The following BUB1 variants were observed in gnomAD, a reference collection of about 807,000 sequenced individuals.
The protein encoded by BUB1 is BUB1 mitotic checkpoint serine/threonine kinase.
In BUB1, 84 loss-of-function variants were observed where a neutral mutation model predicts 135.2. The observed-to-expected ratio is 0.62, with a 90% CI of 0.52 to 0.74. The LOEUF (loss-of-function observed/expected upper bound fraction) is 0.74, where lower values mean the gene tolerates loss of function less well. BUB1 is among the 30% of genes least tolerant of loss of function. The pLI is 0.00. For synonymous variants in BUB1, 403 were observed against 434.4 expected, an observed-to-expected ratio of 0.93 and a Z score of 0.90; for missense variants, 1,162 against 1,288.3, an observed-to-expected ratio of 0.90 and a Z score of 1.50.
At chr2:110,638,393 T>C (rs1689417572) in intron 24 of BUB1, among the ~76,000 whole-genome samples, 1 of 152,234 alleles carries the variant, frequency 6.6e-6, no homozygotes. Context: ...AGTAATCTTT[T>C]AGCAATACTG....
At chr2:110,668,566 A>T (rs1208934682) in intron 6 of BUB1, among the ~76,000 whole-genome samples, 1 of 152,252 alleles carries the variant, frequency 6.6e-6, no homozygotes, top group Non-Finnish European at 1.5e-5. Context: ...TCCTTGATGA[A>T]CTTTGAAAGA....
chr2:110,637,948 T>C lies in BUB1; in HGVS notation c.*16A>G, dbSNP rs1362124253. ...TATTTACAGTGTGATTTTTAAGGAC[T>C]GTCTATATCCAAATTTTATTTTCGT... On this transcript the variant is annotated 3_prime_UTR_variant, in exon 25 of 25. Transcript: ENST00000302759. 1 of 1,392,618 alleles carries C rather than the reference T, an allele frequency of 7.2e-7. No individual in the cohort carries two copies. The highest frequency in any genetic ancestry group is 9.4e-7 in the Non-Finnish European group (1 of 1,061,922). The allele number at this position is 1,392,618 out of a possible 1,614,324, so 86.3% of individuals were successfully genotyped here. A position where few individuals can be genotyped will look rare whatever the true frequency, so the allele number is the denominator to read the frequency against.
chr2:110,649,765 T>C (rs1689732969), intron 18 of BUB1, among the ~76,000 whole-genome samples: 1 of 152,210 alleles, frequency 6.6e-6, no homozygotes, highest in Admixed American at 6.5e-5. Context: ...TTTAATTTCT[T>C]TTCCACTTAT....
At chr2:110,656,669 A>G (rs1343336612) in intron 15 of BUB1, among the ~76,000 whole-genome samples, 1 of 152,158 alleles carries the variant, frequency 6.6e-6, no homozygotes, top group Non-Finnish European at 1.5e-5. Context: ...ATGTTTCCCT[A>G]CTGTAATCTA....
At chr2:110,670,604 T>C in intron 4 of BUB1, 36 bp from the exon 5 acceptor site, 1 of 1,605,306 alleles carries the variant, frequency 6.2e-7, no homozygotes, top group Non-Finnish European at 8.5e-7. Context: ...ATGTAGATTA[T>C]AAACTTACAG....
chr2:110,649,092 A>T, intron 19 of BUB1, 142 bp downstream of exon 19: 1 of 653,182 alleles, frequency 1.5e-6, no homozygotes, highest in Non-Finnish European at 2.4e-6. Flanking sequence ...CAAAATGATC[A>T]GTTTAGTATT....
In BUB1 at chr2:110,672,719, G is replaced by A. The variant is rs1366821516; in HGVS notation, c.364C>T (p.Leu122Phe). The A allele has an allele frequency of 3.1e-6, 5 of 1,613,660 alleles. No homozygotes were observed. The highest frequency in any genetic ancestry group is 4.2e-6 in the Non-Finnish European group (5 of 1,179,856). ...QGELQHASAV[L>F]QRGIQNQAEP... ...GCCTGGTTTTGAATTCCTCTCTGAA[G>A]GACAGCACTGGCATGCTGCAGCTCT... is the stretch of plus-strand genomic sequence containing the variant. The change falls in exon 4 of 25, where the codon CTT becomes TTT. Residue 122 changes from leucine (L) to phenylalanine (F), a missense_variant. Physicochemically the swap from Leu to Phe is conservative, Grantham distance 22. Transcript: ENST00000302759.
At chr2:110,663,785 T>C (rs1690163651) in intron 9 of BUB1, among the ~76,000 whole-genome samples, 1 of 152,116 alleles carries the variant, frequency 6.6e-6, no homozygotes, top group African/African-American at 2.4e-5. Context: ...TCCCAACACT[T>C]TGGGGGGCCA....
chr2:110,676,759 G>A (rs1044375574), intron 1 of BUB1: 2 of 151,990 alleles, frequency 1.3e-5, no homozygotes, highest in African/African-American at 2.4e-5. Context: ...CAAACGTGCA[G>A]ACATTTAATA....
intron 6 of BUB1, among the ~76,000 whole-genome samples, chr2:110,668,947 A>C (rs1390262986): frequency 6.6e-6 from 1 of 152,206 alleles, no homozygotes; most frequent in Non-Finnish European, 1.5e-5. Flanking sequence ...TGAACCTGGA[A>C]ACATAAGAGA....
rs1689413052 is a variant in BUB1 at position 110,638,170 on chromosome 2, C to CA, written c.3063-12dup. On this transcript the variant is annotated splice_polypyrimidine_tract_variant and intron_variant, in intron 24 of 24. Transcript: ENST00000302759. ...TCCAAATGAGGAAGCCTGAAAAAGA[C>CA]AAAGCATAAATAATGGCTAAAATGT... is the stretch of plus-strand genomic sequence containing the variant. The CA allele has an allele frequency of 1.3e-6, 2 of 1,575,556 alleles. No individual in the cohort carries two copies. The highest frequency in any genetic ancestry group is 1.7e-6 in the Non-Finnish European group (2 of 1,161,670).
At position 110,663,227 on chromosome 2, in the gene BUB1, C is replaced by T. The variant is rs191270806; in HGVS notation, c.958-1386G>A. ...CCCAGGAAGCGGAGGTTGCAGTGAG[C>T]GGAGATTGCACCACTGCACTCCAGC... On this transcript the variant is annotated intron_variant, in intron 9 of 24. Coordinates refer to ENST00000302759, the MANE Select transcript of BUB1 (RefSeq NM_004336.5). Among the ~76,000 whole-genome samples the T allele has an allele frequency of 1.6e-4, 25 of 152,082 alleles. 1 individual carries two copies. The South Asian group carries it at 1.9e-3, about 11-fold the overall frequency.
In BUB1 at chr2:110,667,595, C is replaced by T. The variant is rs770749197; in HGVS notation, c.731G>A (p.Arg244His). The T allele has an allele frequency of 8.7e-6, 14 of 1,613,872 alleles. No individual in the cohort carries two copies. In the South Asian group the frequency reaches 8.8e-5, roughly 10 times the overall value. ...TTCAAAGGAAAATTCTGATTCCCCA[C>T]GAATAAGCTTCTCCTTGCAATACAT... is the stretch of plus-strand genomic sequence containing the variant. ...VVMYCKEKLI[R>H]GESEFSFEEL... is the part of the protein sequence containing the mutation. The change falls in exon 8 of 25, where the codon CGT (arginine) becomes CAT (histidine). Residue 244 changes from arginine to histidine, a missense_variant. By Grantham distance (29) the Arg-to-His change is conservative. Coordinates refer to ENST00000302759, the MANE Select transcript of BUB1 (RefSeq NM_004336.5).
At chr2:110,659,507 C>T (rs1690021932) in intron 11 of BUB1, among the ~76,000 whole-genome samples, 1 of 152,152 alleles carries the variant, frequency 6.6e-6, no homozygotes, top group African/African-American at 2.4e-5. Flanking sequence ...CTATTTCAAA[C>T]AGCCCTCCTC....
At position 110,641,358 on chromosome 2, in the gene BUB1, C is replaced by T. The variant is rs1198298173; in HGVS notation, c.2732G>A (p.Cys911Tyr). 6.2e-7 allele frequency: 1 copy of T among 1,613,612 alleles called. No homozygotes were observed. The highest frequency in any genetic ancestry group is 1.3e-5 in the African/African-American group (1 of 74,918). Residue 911 changes from cysteine (C) to tyrosine (Y), a missense_variant, in exon 22 of 25, where the codon TGT (cysteine) becomes TAT (tyrosine). Coordinates refer to ENST00000302759, the MANE Select transcript of BUB1 (RefSeq NM_004336.5). ...MLYMIEQVHDCEIIHGDIKPD... is the reference protein window; with the variant it reads ...MLYMIEQVHDYEIIHGDIKPD... ...TTTAATGTCTCCATGAATGATTTCA[C>T]AGTCATGCACTTGCTCAATCATGTA...
chr2:110,676,111 C>A (rs886105117), intron 1 of BUB1, among the ~76,000 whole-genome samples: 5 of 151,498 alleles, frequency 3.3e-5, no homozygotes, highest in East Asian at 1.9e-4. Context: ...AACAAAAAAA[C>A]CACAAAATAG....
chr2:110,652,759 C>T (rs1167040551), intron 17 of BUB1, among the ~76,000 whole-genome samples: 2 of 152,162 alleles, frequency 1.3e-5, no homozygotes, highest in Non-Finnish European at 2.9e-5. Context: ...TTTATACATG[C>T]AATTTCATAC....
chr2:110,637,881 AC>A lies in BUB1; in HGVS notation c.*82del. ...TTATTTTTAACAAACATTTACATAA[AC>A]AATAAATGAAAAAAAAACAGGTTTA... On this transcript the variant is annotated 3_prime_UTR_variant, in exon 25 of 25. Transcript: ENST00000302759. 2 of 957,444 alleles carry A rather than the reference AC, an allele frequency of 2.1e-6. No individual in the cohort carries two copies. The highest frequency in any genetic ancestry group is 1.4e-6 in the Non-Finnish European group (1 of 690,186). 59.3% of individuals were successfully genotyped at this position (957,444 alleles called of 1,614,324 possible).
In BUB1 at chr2:110,647,629, A is replaced by C. The variant is rs550095890; in HGVS notation, c.2347+1605T>G. 1.4e-3 allele frequency among the ~76,000 whole-genome samples: 210 copies of C among 152,292 alleles called. 1 individual carries two copies. The highest frequency in any genetic ancestry group is 1.3e-3 in the Non-Finnish European group (90 of 68,020). The stretch of plus-strand genomic sequence containing the variant: ...AACTTGACAAAGAACATTTACAAAA[A>C]ACCTACAGCTAAAATCATACTTATA... On this transcript the variant is annotated intron_variant, in intron 19 of 24. Coordinates refer to ENST00000302759, the MANE Select transcript of BUB1 (RefSeq NM_004336.5).
Sources: allele counts gnomAD v4.1 joint callset (sites outside exome capture counted in the v4.1 genomes callset), GRCh38; gene constraint gnomAD v4.1.1; transcripts MANE v1.5; gene names NCBI Gene and HGNC (gene_info 2026-07-23, HGNC 2026-07-21).